Variants in KCNU1 observed in about 807,000 individuals in gnomAD.
KCNU1 encodes potassium calcium-activated channel subfamily U member 1, also known as potassium channel subfamily U member 1.
Under a neutral mutation model 126.8 loss-of-function variants are expected in KCNU1, and 93 were observed. The observed-to-expected ratio is 0.73, with a 90% confidence interval of 0.62 to 0.87. The LOEUF is 0.87. KCNU1 is among the 40% of genes least tolerant of loss of function. The pLI is 0.00. For synonymous variants in KCNU1, 523 were observed against 494.2 expected (o/e 1.06, Z -0.77); for missense variants, 1,330 against 1,367.1 (o/e 0.97, Z 0.43).
intron 26 of KCNU1, among the ~76,000 whole-genome samples, chr8:36,934,356 A>G (rs1397712052): frequency 6.6e-6 from 1 of 152,044 alleles, no homozygotes; most frequent in Non-Finnish European, 1.5e-5. Flanking sequence ...ATCGAGGTCT[A>G]CAGACGACTC....
intron 18 of KCNU1, among the ~76,000 whole-genome samples, chr8:36,855,933 G>A (rs557766167): frequency 4.6e-5 from 7 of 151,964 alleles, no homozygotes; most frequent in East Asian, 3.9e-4. Flanking sequence ...CATTTTTCTC[G>A]TGCTGGTTTC....
At chr8:36,852,259 G>A (rs1019417311) in intron 18 of KCNU1, among the ~76,000 whole-genome samples, 1 of 151,938 alleles carries the variant, frequency 6.6e-6, no homozygotes, top group Admixed American at 6.6e-5. Context: ...ATACATTGTT[G>A]GGTTTGATTT....
chr8:36,933,054 GCACCATC>G, intron 26 of KCNU1, 22 bp downstream of exon 26: 1 of 1,373,732 alleles, frequency 7.3e-7, no homozygotes, highest in South Asian at 1.2e-5. Flanking sequence ...AGATTGGAAA[GCACCATC>G]CACCCATTCA....
intron 10 of KCNU1, among the ~76,000 whole-genome samples, chr8:36,822,006 C>T (rs1804146207): frequency 1.3e-5 from 2 of 152,024 alleles, no homozygotes; most frequent in South Asian, 2.1e-4. Flanking sequence ...AGGGATGTAG[C>T]CCCATCATAA....
chr8:36,792,103 T>C (rs1221534521), intron 2 of KCNU1, among the ~76,000 whole-genome samples: 22 of 152,206 alleles, frequency 1.4e-4, no homozygotes, highest in Admixed American at 1.4e-3. Context: ...TTATTGTTTA[T>C]ATTTTCATGC....
At chr8:36,868,087 G>A (rs763783420) in intron 19 of KCNU1, among the ~76,000 whole-genome samples, 1 of 152,134 alleles carries the variant, frequency 6.6e-6, no homozygotes, top group African/African-American at 2.4e-5. Flanking sequence ...TTAGATGGTG[G>A]TATATCCTTG....
At chr8:36,876,873 G>C (rs1806296230) in intron 19 of KCNU1, among the ~76,000 whole-genome samples, 1 of 152,122 alleles carries the variant, frequency 6.6e-6, no homozygotes, top group Non-Finnish European at 1.5e-5. Context: ...TTTCCACCCT[G>C]AGAATCACAG....
At chr8:36,900,848 G>C (rs987795641) in intron 19 of KCNU1, among the ~76,000 whole-genome samples, 1 of 151,980 alleles carries the variant, frequency 6.6e-6, no homozygotes, top group Non-Finnish European at 1.5e-5. Context: ...TCAAACTGCT[G>C]GACACACAAA....
chr8:36,834,819 A>G lies in KCNU1; in HGVS notation c.1246A>G (p.Asn416Asp). The G allele has an allele frequency of 1.2e-6, 2 of 1,612,536 alleles. No homozygotes were observed. Among genetic ancestry groups the G allele is most frequent in the Non-Finnish European group, 1.7e-6 (2 of 1,179,118 alleles). ...TGCAGAGGCATGCCTGATTATAGCC[A>G]ATCCTTTGTGCAGTGATTCCCATGC... ...ESAEACLIIA[N>D]PLCSDSHAED... is the part of the protein sequence containing the mutation. Residue 416 changes from asparagine to aspartate, a missense_variant, in exon 12 of 27, where the codon AAT (asparagine) becomes GAT (aspartate). Asn to Asp is a conservative substitution (Grantham distance 23). Coordinates refer to ENST00000399881, the MANE Select transcript of KCNU1 (RefSeq NM_001031836.3).
At chr8:36,878,121 C>CA (rs1262344513) in intron 19 of KCNU1, among the ~76,000 whole-genome samples, 2 of 152,200 alleles carry the variant, frequency 1.3e-5, no homozygotes, top group East Asian at 3.9e-4. Flanking sequence ...TCTTTTCAAA[C>CA]AAAAATATGT....
chr8:36,819,889 A>T (rs1024156961), intron 10 of KCNU1, among the ~76,000 whole-genome samples: 30 of 152,132 alleles, frequency 2.0e-4, no homozygotes, highest in African/African-American at 7.0e-4. Flanking sequence ...ATCTGGGCTG[A>T]CCTGTGGCTT....
chr8:36,831,207 C>T (rs553966902), intron 10 of KCNU1, among the ~76,000 whole-genome samples: 2,127 of 151,714 alleles, frequency 0.014, 44 homozygotes, highest in African/African-American at 0.047. Context: ...TGAATAATGC[C>T]GCAATAAACA....
chr8:36,921,128 G>C (rs1808327459), intron 23 of KCNU1, among the ~76,000 whole-genome samples: 1 of 152,078 alleles, frequency 6.6e-6, no homozygotes. Context: ...CTGGATCAGA[G>C]ACCAAAACAA....
At chr8:36,830,440 C>G (rs1377088478) in intron 10 of KCNU1, among the ~76,000 whole-genome samples, 2 of 151,872 alleles carry the variant, frequency 1.3e-5, no homozygotes, top group Non-Finnish European at 2.9e-5. Context: ...CAATTTGTCT[C>G]TGCGTCTGAG....
chr8:36,868,105 A>G (rs186501674), intron 19 of KCNU1, among the ~76,000 whole-genome samples: 2 of 152,282 alleles, frequency 1.3e-5, no homozygotes, highest in Non-Finnish European at 2.9e-5. Context: ...TTGAACAAAT[A>G]TGTTCCATTT....
At chr8:36,892,470 A>G (rs1365862428) in intron 19 of KCNU1, among the ~76,000 whole-genome samples, 1 of 150,760 alleles carries the variant, frequency 6.6e-6, no homozygotes, top group Non-Finnish European at 1.5e-5. Context: ...TTCCTTCCGG[A>G]CAGTTTCTAT....
chr8:36,904,893 A>C (rs1807562443), intron 19 of KCNU1, among the ~76,000 whole-genome samples: 1 of 152,152 alleles, frequency 6.6e-6, no homozygotes, highest in Non-Finnish European at 1.5e-5. Context: ...GTGTTGTGTC[A>C]GGCCCTGGGG....
intron 6 of KCNU1, 120 bp from the exon 7 acceptor site, chr8:36,808,598 G>A: frequency 3.0e-6 from 2 of 659,664 alleles, no homozygotes; most frequent in Non-Finnish European, 5.5e-6. Context: ...ATGTTTTCGG[G>A]TAATGCCGTT....
At chr8:36,785,093 A>G (rs1353244888) in intron 1 of KCNU1, among the ~76,000 whole-genome samples, 1 of 152,260 alleles carries the variant, frequency 6.6e-6, no homozygotes, top group Non-Finnish European at 1.5e-5. Context: ...GCACATACAC[A>G]GAGAAGCCCA....
Sources: gnomAD v4.1 joint callset for allele counts (sites outside exome capture counted in the v4.1 genomes callset) on GRCh38, gnomAD v4.1.1 for gene constraint, MANE v1.5 for transcripts, NCBI Gene and HGNC (gene_info 2026-07-23, HGNC 2026-07-21) for gene names.